The following SFXN4 variants were observed in gnomAD, a reference collection of about 807,000 sequenced individuals.
The protein encoded by SFXN4 is sideroflexin-4.
SFXN4 carries 48 observed loss-of-function variants against 54.6 expected under a neutral mutation model. That is an observed-to-expected ratio of 0.88 (90% CI 0.70 to 1.12). SFXN4 has a LOEUF of 1.12. SFXN4 is among the 50% of genes most tolerant of loss of function. The pLI is 0.00. For missense variants in SFXN4, 383 were observed against 409.2 expected (o/e 0.94, Z 0.55); for synonymous variants, 130 against 145.5 (o/e 0.89, Z 0.77).
At chr10:119,158,216 A>T in intron 6 of SFXN4, 154 bp from the exon 7 acceptor site, 1 of 699,814 alleles carries the variant, frequency 1.4e-6, no homozygotes, top group Non-Finnish European at 2.5e-6. Context: ...CGGTCCGTAG[A>T]CAAGGTTGAG....
chr10:119,145,049 C>T (rs997436045), intron 13 of SFXN4, among the ~76,000 whole-genome samples: 1 of 151,958 alleles, frequency 6.6e-6, no homozygotes, highest in Non-Finnish European at 1.5e-5. Flanking sequence ...AAAAACAGAA[C>T]CCAAAACTGC....
At chr10:119,165,262 A>C in intron 1 of SFXN4, 1 of 1,169,752 alleles carries the variant, frequency 8.5e-7, no homozygotes, top group Non-Finnish European at 1.1e-6. Flanking sequence ...GGCAGTAGGG[A>C]GCAGCCACCT....
At position 119,162,084 on chromosome 10, in the gene SFXN4, G is replaced by A. The variant is rs1847574090; in HGVS notation, c.252+256C>T. On this transcript the variant is annotated intron_variant, in intron 3 of 13. Transcript: ENST00000355697. ...CCCACAAATATCCACTGTGTAGGAG[G>A]AAACTTGCTGTCTGGTTTATGGGAC... 1.9e-5 allele frequency: 10 copies of A among 515,498 alleles called. No homozygotes were observed. In the South Asian group the frequency reaches 2.4e-4, roughly 13 times the overall value. The allele number at this position is 515,498 out of a possible 1,614,324, so 31.9% of individuals were successfully genotyped here. A position where few individuals can be genotyped will look rare whatever the true frequency, so the allele number is the denominator to read the frequency against.
At chr10:119,152,829 G>C (rs1024259534) in intron 11 of SFXN4, among the ~76,000 whole-genome samples, 3 of 152,110 alleles carry the variant, frequency 2.0e-5, no homozygotes, top group Admixed American at 6.6e-5. Flanking sequence ...CCAACATGCT[G>C]GTCAGTAGAA....
At chr10:119,143,315 C>T (rs1035511687) in intron 13 of SFXN4, among the ~76,000 whole-genome samples, 7 of 152,056 alleles carry the variant, frequency 4.6e-5, no homozygotes, top group African/African-American at 1.7e-4. Context: ...GTGATCCTCT[C>T]ACCACAGCCT....
chr10:119,160,876 A>G (rs923146069), intron 5 of SFXN4, 39 bp downstream of exon 5: 16 of 1,607,162 alleles, frequency 1.0e-5, no homozygotes, highest in Non-Finnish European at 8.5e-6. Flanking sequence ...TAGAAACTAC[A>G]TCTTCCCAAC....
Position 119,146,296 on chromosome 10 carries a change from A to T in SFXN4, c.876T>A (p.Thr292=). ...GCACCATCAGTCCCATTGCCAGGAC[A>T]GTACAAGACAGTTTCAAAATCCACA... ...GSLWILKLSC[T]VLAMGLMVPF... The change falls in exon 13 of 14, where the codon ACT becomes ACA. Residue 292 remains threonine, a synonymous_variant. Coordinates refer to ENST00000355697, the MANE Select transcript of SFXN4 (RefSeq NM_213649.2). The T allele has an allele frequency of 3.7e-6, 6 of 1,613,904 alleles. No individual in the cohort carries two copies. The highest frequency in any genetic ancestry group is 1.1e-5 in the South Asian group (1 of 91,036).
intron 13 of SFXN4, among the ~76,000 whole-genome samples, chr10:119,142,978 C>A (rs183744032): frequency 3.5e-4 from 53 of 151,912 alleles, no homozygotes; most frequent in Non-Finnish European, 6.5e-4. Context: ...GTGATCCGCC[C>A]GCCTCGGCCT....
chr10:119,142,117 C>T (rs1461388366), intron 13 of SFXN4, among the ~76,000 whole-genome samples: 1 of 152,136 alleles, frequency 6.6e-6, no homozygotes, highest in Non-Finnish European at 1.5e-5. Context: ...CAGAGGATCA[C>T]TTGAGCCTGG....
chr10:119,146,305 C>G lies in SFXN4; in HGVS notation c.867G>C (p.Leu289=). Residue 289 remains leucine (L), a synonymous_variant, in exon 13 of 14, where the codon CTG becomes CTC. Coordinates refer to ENST00000355697, the MANE Select transcript of SFXN4 (RefSeq NM_213649.2). ...KNPGSLWILK[L]SCTVLAMGLM... ...GTCCCATTGCCAGGACAGTACAAGA[C>G]AGTTTCAAAATCCACAATGACCCTG... The G allele has an allele frequency of 6.2e-7, 1 of 1,613,818 alleles. No homozygotes were observed. The highest frequency in any genetic ancestry group is 8.5e-7 in the Non-Finnish European group (1 of 1,179,842).
rs560558659 is a variant in SFXN4 at position 119,153,024 on chromosome 10, T to C, written c.732+2038A>G. ...GATCTCACCTGCTAAAAACATATTA[T>C]TTTAAAAGTCCACACCCAAAATGAA... On this transcript the variant is annotated intron_variant, in intron 11 of 13. Transcript: ENST00000355697. Among the ~76,000 whole-genome samples the C allele has an allele frequency of 2.0e-5, 3 of 152,262 alleles. No individual in the cohort carries two copies. The South Asian group carries it at 6.2e-4, about 32-fold the overall frequency.
At chr10:119,164,779 A>G (rs997078865) in intron 1 of SFXN4, among the ~76,000 whole-genome samples, 18 of 152,148 alleles carry the variant, frequency 1.2e-4, no homozygotes, top group Admixed American at 1.3e-4. Flanking sequence ...CACCTAAAAA[A>G]AAAACAGGGC....
intron 11 of SFXN4, among the ~76,000 whole-genome samples, chr10:119,151,705 A>C (rs945403001): frequency 2.6e-5 from 4 of 151,758 alleles, no homozygotes; most frequent in Non-Finnish European, 5.9e-5. Context: ...TAGTAGAGAC[A>C]GGGTTTCACC....
At chr10:119,156,873 T>G in intron 9 of SFXN4, 117 bp from the exon 10 acceptor site, 1 of 692,172 alleles carries the variant, frequency 1.4e-6, no homozygotes, top group Non-Finnish European at 2.5e-6. Flanking sequence ...CCACTGCCAG[T>G]GCTCTTCAGG....
At chr10:119,146,143 A>T in intron 13 of SFXN4, 93 bp downstream of exon 13, 1 of 754,854 alleles carries the variant, frequency 1.3e-6, no homozygotes, top group Non-Finnish European at 2.2e-6. Flanking sequence ...ATATTTTTAT[A>T]AACTTTGCAG....
At chr10:119,158,123 G>C (rs201474506) in intron 6 of SFXN4, 61 bp from the exon 7 acceptor site, 38 of 1,491,580 alleles carry the variant, frequency 2.5e-5, no homozygotes, top group Non-Finnish European at 3.5e-5. Flanking sequence ...ACTTGCAGTA[G>C]CAAAGAACTT....
Position 119,159,769 on chromosome 10 carries a change from G to A in SFXN4, c.335-16C>T. 6.2e-7 allele frequency: 1 copy of A among 1,614,094 alleles called. No individual in the cohort carries two copies. The highest frequency in any genetic ancestry group is 8.5e-7 in the Non-Finnish European group (1 of 1,180,002). On this transcript the variant is annotated splice_polypyrimidine_tract_variant and intron_variant, in intron 5 of 13. Transcript: ENST00000355697. Reference sequence around the variant, plus strand: ...GGCAGGAACGCTGGCAGGAAGAGAAGAGAGGAGGTGTCAGTGATCACAGTT... The same window carrying A: ...GGCAGGAACGCTGGCAGGAAGAGAAAAGAGGAGGTGTCAGTGATCACAGTT...
chr10:119,141,218 CA>C lies in SFXN4; in HGVS notation c.*23del. 6.4e-7 allele frequency: 1 copy of C among 1,566,482 alleles called. No individual in the cohort carries two copies. On this transcript the variant is annotated 3_prime_UTR_variant, in exon 14 of 14. Coordinates refer to ENST00000355697, the MANE Select transcript of SFXN4 (RefSeq NM_213649.2). ...GGGGAAGGTTTTCAAGCAGGAACCA[CA>C]TAAATTCACCTAAAACTCACGCCTA...
In SFXN4 at chr10:119,146,428, C is replaced by CGTGT. The variant is rs56031432; in HGVS notation, c.819-79_819-76dup. 11,817 of 558,410 alleles carry CGTGT rather than the reference C, an allele frequency of 0.021. 169 individuals are homozygous for CGTGT. The highest frequency in any genetic ancestry group is 0.073 in the African/African-American group (3,639 of 50,020). 34.6% of individuals were successfully genotyped at this position (558,410 alleles called of 1,614,324 possible). ...TATTTTCTGAACAGCTGAATCAGGG[C>CGTGT]GTGTGTGTGTGTGTGTGTGTGTGTG... On this transcript the variant is annotated intron_variant, in intron 12 of 13. Coordinates refer to ENST00000355697, the MANE Select transcript of SFXN4 (RefSeq NM_213649.2).
Sources: allele counts gnomAD v4.1 joint callset (sites outside exome capture counted in the v4.1 genomes callset), GRCh38; gene constraint gnomAD v4.1.1; transcripts MANE v1.5; gene names NCBI Gene and HGNC (gene_info 2026-07-23, HGNC 2026-07-21).